Variants in PTPA observed in about 807,000 individuals in gnomAD.
PTPA encodes protein phosphatase 2 phosphatase activator.
PTPA carries 13 observed loss-of-function variants against 43.6 expected under a neutral mutation model. The ratio of observed to expected loss-of-function variants is 0.30; its 90% confidence interval spans 0.19 to 0.47. The LOEUF (loss-of-function observed/expected upper bound fraction) is 0.47. Among genes scored for constraint, PTPA ranks in the 20% least tolerant of loss-of-function variants. The pLI is 0.99. For missense variants in PTPA, 329 were observed against 411.9 expected (o/e 0.80, Z 1.74); for synonymous variants, 172 against 158.2 (o/e 1.09, Z -0.66).
At chr9:129,142,316 C>T (rs1588535218) in intron 8 of PTPA, 129 bp from the exon 9 acceptor site, 10 of 818,776 alleles carry the variant, frequency 1.2e-5, no homozygotes, top group South Asian at 4.1e-5. Flanking sequence ...AGTGTCTGCG[C>T]GTGCATTGTG....
intron 9 of PTPA, 114 bp from the exon 10 acceptor site, chr9:129,147,273 C>CGGG (rs1851367696): frequency 1.0e-6 from 1 of 995,054 alleles, no homozygotes; most frequent in African/African-American, 1.6e-5. Context: ...GATCCCCTGG[C>CGGG]GGGGCTACTT....
intron 1 of PTPA, 122 bp downstream of exon 1, chr9:129,111,753 C>T (rs1848509659): frequency 1.6e-6 from 2 of 1,237,502 alleles, no homozygotes; most frequent in Non-Finnish European, 2.0e-6. Context: ...AGCTGAGGGG[C>T]CCCGAGGAGG....
chr9:129,111,091 A>T (rs895997485), upstream of PTPA: 33 of 1,353,822 alleles, frequency 2.4e-5, 1 homozygote, highest in Non-Finnish European at 4.0e-6. Flanking sequence ...TCTTAGAGTG[A>T]TAGGAAAACA....
At chr9:129,118,887 G>T (rs1404274855) in intron 1 of PTPA, 1 of 151,240 alleles carries the variant, frequency 6.6e-6, no homozygotes. Flanking sequence ...ATTCCTGTAA[G>T]TAGACCTGTT....
intron 2 of PTPA, among the ~76,000 whole-genome samples, chr9:129,120,923 G>A (rs1199574538): frequency 3.3e-5 from 5 of 152,176 alleles, no homozygotes; most frequent in Non-Finnish European, 7.3e-5. Flanking sequence ...AAATGATGGA[G>A]CGAGTCACTT....
At chr9:129,119,712 T>G (rs986086486) in intron 1 of PTPA, 2 of 152,304 alleles carry the variant, frequency 1.3e-5, no homozygotes, top group African/African-American at 4.8e-5. Flanking sequence ...CTGACCTGTT[T>G]TTTTTTCTTC....
intron 2 of PTPA, 92 bp downstream of exon 2, chr9:129,120,702 T>C (rs913054029): frequency 1.7e-5 from 19 of 1,117,202 alleles, no homozygotes; most frequent in Admixed American, 4.4e-5. Flanking sequence ...CCCTTCTTGC[T>C]CTTGGAGCCT....
chr9:129,116,801 G>A (rs1848910952), intron 1 of PTPA, among the ~76,000 whole-genome samples: 1 of 152,122 alleles, frequency 6.6e-6, no homozygotes, highest in Non-Finnish European at 1.5e-5. Flanking sequence ...AAAGTGCTGG[G>A]ATTACGGACA....
intron 8 of PTPA, chr9:129,137,912 ACAC>A: frequency 1.8e-6 from 1 of 564,838 alleles, no homozygotes; most frequent in South Asian, 1.9e-5. Flanking sequence ...TTTCTCCTGA[ACAC>A]CACAGGAGTC....
intron 8 of PTPA, chr9:129,139,258 C>G (rs1850594338): frequency 6.6e-6 from 1 of 152,204 alleles, no homozygotes; most frequent in Non-Finnish European, 1.5e-5. Context: ...ATAAACACCC[C>G]AAAAGCTTTT....
In PTPA at chr9:129,147,385, A is replaced by G; in HGVS notation, c.895-2A>G. Reference sequence around the variant, plus strand: ...CTCTGCTCACCTGCTCCTTCCTCACAGTGCCTGGAGAAGTTCCCTGTGATC... The same window carrying G: ...CTCTGCTCACCTGCTCCTTCCTCACGGTGCCTGGAGAAGTTCCCTGTGATC... On this transcript the variant is annotated splice_acceptor_variant, in intron 9 of 9. Transcript: ENST00000393370. LOFTEE classifies it high-confidence loss of function. 6.2e-7 allele frequency: 1 copy of G among 1,613,844 alleles called. No homozygotes were observed. Among genetic ancestry groups the G allele is most frequent in the Non-Finnish European group, 8.5e-7 (1 of 1,179,872 alleles).
chr9:129,136,623 C>G, intron 7 of PTPA, 28 bp downstream of exon 7: 1 of 1,582,446 alleles, frequency 6.3e-7, no homozygotes, highest in Non-Finnish European at 8.6e-7. Context: ...GCCTATCCCT[C>G]CACCCCCAAC....
chr9:129,136,807 G>A (rs1476105234), intron 7 of PTPA, among the ~76,000 whole-genome samples: 1 of 152,198 alleles, frequency 6.6e-6, no homozygotes, highest in Non-Finnish European at 1.5e-5. Context: ...TGGAGGAGGC[G>A]GAGGCCAAGC....
chr9:129,136,034 C>G (rs969283424), intron 6 of PTPA, among the ~76,000 whole-genome samples: 53 of 152,312 alleles, frequency 3.5e-4, no homozygotes, highest in African/African-American at 1.2e-3. Context: ...GTGGAGAGAT[C>G]TCGGCTCACT....
At position 129,148,277 on chromosome 9, in the gene PTPA, G is replaced by A. The variant is rs564825190; in HGVS notation, c.*813G>A. 2 of 152,650 alleles carry A rather than the reference G, an allele frequency of 1.3e-5. No individual in the cohort carries two copies. Among genetic ancestry groups the A allele is most frequent in the African/African-American group, 4.8e-5 (2 of 41,596 alleles). 9.5% of individuals were successfully genotyped at this position (152,650 alleles called of 1,614,324 possible). ...GGCATGTCTTTCCAGAACTTTCCCTGGCAGGGAGGGGATGGCAGAAACTCA... is the reference window on the plus strand; with the variant it reads ...GGCATGTCTTTCCAGAACTTTCCCTAGCAGGGAGGGGATGGCAGAAACTCA... On this transcript the variant is annotated 3_prime_UTR_variant, in exon 10 of 10. Coordinates refer to ENST00000393370, the MANE Select transcript of PTPA (RefSeq NM_178000.3).
chr9:129,143,555 G>A (rs1233273505), intron 9 of PTPA: 2 of 660,364 alleles, frequency 3.0e-6, no homozygotes, highest in Non-Finnish European at 5.5e-6. Context: ...CAGCGGGGTG[G>A]GGGAGCACAG....
At chr9:129,142,065 A>G (rs1284506316) in intron 8 of PTPA, 5 of 176,372 alleles carry the variant, frequency 2.8e-5, no homozygotes, top group East Asian at 3.0e-4. Context: ...GTCGGTGGGA[A>G]CGACACCAGA....
intron 5 of PTPA, among the ~76,000 whole-genome samples, chr9:129,133,529 C>T (rs1480771102): frequency 6.6e-6 from 1 of 152,230 alleles, no homozygotes; most frequent in Non-Finnish European, 1.5e-5. Flanking sequence ...GACACATTCT[C>T]TTCTCACCTC....
In PTPA at chr9:129,147,519, A is replaced by G; in HGVS notation, c.*55A>G. ...CACAGTTCCTGTGCCTGCCTTCCCC[A>G]CCCCAGCAGTGGCCCCTCCCCATCC... On this transcript the variant is annotated 3_prime_UTR_variant, in exon 10 of 10. Coordinates refer to ENST00000393370, the MANE Select transcript of PTPA (RefSeq NM_178000.3). The G allele has an allele frequency of 6.5e-7, 1 of 1,545,542 alleles. No individual in the cohort carries two copies. The highest frequency in any genetic ancestry group is 2.1e-4 in the Middle Eastern group (1 of 4,762).
Sources: allele counts gnomAD v4.1 joint callset (sites outside exome capture counted in the v4.1 genomes callset), GRCh38; gene constraint gnomAD v4.1.1; transcripts MANE v1.5; gene names NCBI Gene and HGNC (gene_info 2026-07-23, HGNC 2026-07-21).